The following PDGFD variants were observed in gnomAD, a reference collection of about 807,000 sequenced individuals.
PDGFD encodes platelet derived growth factor D.
PDGFD carries 30 observed loss-of-function variants against 44.7 expected under a neutral mutation model. The observed-to-expected ratio is 0.67, with a 90% CI of 0.50 to 0.91. The LOEUF is 0.91. Ranked by LOEUF, PDGFD falls within the 40% of genes least tolerant of loss-of-function variation. The pLI, the probability that PDGFD is intolerant of heterozygous loss-of-function variation, is 0.00. For synonymous variants in PDGFD, 173 were observed against 168.4 expected, an observed-to-expected ratio of 1.03 and a Z score of -0.21; for missense variants, 445 against 457.8, an observed-to-expected ratio of 0.97 and a Z score of 0.25.
intron 1 of PDGFD, among the ~76,000 whole-genome samples, chr11:104,072,356 C>T (rs1041096533): frequency 6.6e-6 from 1 of 151,772 alleles, no homozygotes; most frequent in Non-Finnish European, 1.5e-5. Flanking sequence ...TCTGCTATTA[C>T]AAATGGAGTG....
intron 1 of PDGFD, among the ~76,000 whole-genome samples, chr11:104,089,147 G>T (rs1036762806): frequency 1.3e-5 from 2 of 152,164 alleles, no homozygotes; most frequent in Admixed American, 1.3e-4. Context: ...TCATCAGAGA[G>T]TATTTCATGA....
chr11:104,098,689 A>T (rs1861320818), intron 1 of PDGFD, among the ~76,000 whole-genome samples: 1 of 151,706 alleles, frequency 6.6e-6, no homozygotes, highest in Non-Finnish European at 1.5e-5. Flanking sequence ...TTAATTTTTA[A>T]TTTTTTTGTA....
intron 5 of PDGFD, among the ~76,000 whole-genome samples, chr11:103,941,790 G>A (rs1175115453): frequency 6.6e-6 from 1 of 152,102 alleles, no homozygotes; most frequent in Non-Finnish European, 1.5e-5. Flanking sequence ...GCTGTCCCTT[G>A]AATTGCTGAA....
chr11:104,117,535 T>C (rs1355246044), intron 1 of PDGFD, among the ~76,000 whole-genome samples: 2 of 151,940 alleles, frequency 1.3e-5, no homozygotes, highest in African/African-American at 4.8e-5. Flanking sequence ...TCAGCAAAGT[T>C]TCCAGACACA....
At chr11:104,015,592 A>G (rs1339125630) in intron 1 of PDGFD, among the ~76,000 whole-genome samples, 1 of 152,246 alleles carries the variant, frequency 6.6e-6, no homozygotes, top group African/African-American at 2.4e-5. Flanking sequence ...AAAACAGTAC[A>G]TTCAAAAGCA....
chr11:103,923,596 A>G (rs71482415), intron 6 of PDGFD, among the ~76,000 whole-genome samples: 1 of 152,220 alleles, frequency 6.6e-6, no homozygotes, highest in African/African-American at 2.4e-5. Context: ...GAATACAGAC[A>G]CAGAATTCAG....
chr11:104,130,014 A>AAAAAT (rs397770504), intron 1 of PDGFD, among the ~76,000 whole-genome samples: 1 of 150,976 alleles, frequency 6.6e-6, no homozygotes, highest in Non-Finnish European at 1.5e-5. Context: ...AAAAAAAAAA[A>AAAAAT]GGAGCTAACA....
chr11:104,155,633 T>C (rs555428392), intron 1 of PDGFD, among the ~76,000 whole-genome samples: 1 of 152,360 alleles, frequency 6.6e-6, no homozygotes, highest in South Asian at 2.1e-4. Flanking sequence ...TTTTAGTGTC[T>C]ACCATACGAT....
At chr11:104,146,108 C>T (rs1424638172) in intron 1 of PDGFD, among the ~76,000 whole-genome samples, 4 of 152,158 alleles carry the variant, frequency 2.6e-5, no homozygotes, top group African/African-American at 9.6e-5. Context: ...AACTCCACAA[C>T]TTTATTTTTG....
intron 1 of PDGFD, among the ~76,000 whole-genome samples, chr11:104,084,950 T>C (rs974514005): frequency 6.8e-6 from 1 of 147,856 alleles, no homozygotes; most frequent in East Asian, 1.9e-4. Flanking sequence ...ATATCACATA[T>C]AAATAAATAA....
At chr11:103,925,387 C>T (rs1311993516) in intron 6 of PDGFD, among the ~76,000 whole-genome samples, 3 of 151,968 alleles carry the variant, frequency 2.0e-5, no homozygotes, top group Admixed American at 2.0e-4. Flanking sequence ...ATGATGTTTG[C>T]TTCATATTTT....
intron 1 of PDGFD, among the ~76,000 whole-genome samples, chr11:104,085,886 A>C (rs1861121429): frequency 1.3e-5 from 2 of 152,140 alleles, no homozygotes; most frequent in Admixed American, 1.3e-4. Flanking sequence ...AAAAGTGTTT[A>C]GATCTATTGG....
At chr11:104,076,213 C>G (rs961928927) in intron 1 of PDGFD, among the ~76,000 whole-genome samples, 1 of 152,190 alleles carries the variant, frequency 6.6e-6, no homozygotes, top group Non-Finnish European at 1.5e-5. Context: ...GCCTCCCCAG[C>G]CTTGCTGAAC....
chr11:104,150,911 A>G (rs1862234521), intron 1 of PDGFD, among the ~76,000 whole-genome samples: 2 of 152,210 alleles, frequency 1.3e-5, no homozygotes, highest in Non-Finnish European at 2.9e-5. Context: ...AGTTTCCAGA[A>G]TTAGGACATG....
chr11:103,964,559 T>G (rs1324614801), intron 3 of PDGFD, among the ~76,000 whole-genome samples: 1 of 152,168 alleles, frequency 6.6e-6, no homozygotes, highest in Non-Finnish European at 1.5e-5. Context: ...GTCACACATT[T>G]TCTTTTCCTT....
chr11:104,077,151 A>C (rs1860971087), intron 1 of PDGFD, among the ~76,000 whole-genome samples: 1 of 152,174 alleles, frequency 6.6e-6, no homozygotes, highest in East Asian at 1.9e-4. Context: ...TGTCACCTGC[A>C]TTCTCTACAC....
At chr11:103,975,523 T>C (rs1859170162) in intron 3 of PDGFD, among the ~76,000 whole-genome samples, 1 of 152,204 alleles carries the variant, frequency 6.6e-6, no homozygotes, top group Non-Finnish European at 1.5e-5. Context: ...ATTTTGGCTT[T>C]TGTTGCCATT....
chr11:104,035,547 CCTTA>C (rs1448382235), intron 1 of PDGFD, among the ~76,000 whole-genome samples: 1 of 140,468 alleles, frequency 7.1e-6, no homozygotes, highest in African/African-American at 2.6e-5. Flanking sequence ...TCCTTTCCTT[CCTTA>C]CTTCTTTTTC....
chr11:103,934,432 AT>A (rs1183837083), intron 5 of PDGFD, among the ~76,000 whole-genome samples: 1 of 152,222 alleles, frequency 6.6e-6, no homozygotes, highest in Non-Finnish European at 1.5e-5. Flanking sequence ...AAAGCCAATG[AT>A]CAGGTGTCTT....
Sources: allele counts gnomAD v4.1 joint callset (sites outside exome capture counted in the v4.1 genomes callset), GRCh38; gene constraint gnomAD v4.1.1; transcripts MANE v1.5; gene names NCBI Gene and HGNC (gene_info 2026-07-23, HGNC 2026-07-21).